The following SLC41A3 variants were observed in gnomAD, a reference collection of about 807,000 sequenced individuals.
SLC41A3 encodes solute carrier family 41 member 3.
In SLC41A3, 44 loss-of-function variants were observed where a neutral mutation model predicts 45.4. The ratio of observed to expected loss-of-function variants is 0.97; its 90% CI spans 0.76 to 1.25. SLC41A3 has a LOEUF of 1.25. Ranked by LOEUF, SLC41A3 falls within the 50% of genes most tolerant of loss-of-function variation. The pLI, the probability that SLC41A3 is intolerant of heterozygous loss-of-function variation, is 0.00. For synonymous variants in SLC41A3, 256 were observed against 252.4 expected (o/e 1.01, Z -0.13); for missense variants, 550 against 600.6 (o/e 0.92, Z 0.88).
intron 4 of SLC41A3, among the ~76,000 whole-genome samples, chr3:126,032,495 G>A (rs1941873738): frequency 6.6e-6 from 1 of 152,250 alleles, no homozygotes; most frequent in South Asian, 2.1e-4. Context: ...GTGCCAGCCA[G>A]ATGCCACATT....
chr3:126,052,865 G>A (rs1393549478), intron 2 of SLC41A3, among the ~76,000 whole-genome samples: 1 of 152,088 alleles, frequency 6.6e-6, no homozygotes, highest in Non-Finnish European at 1.5e-5. Flanking sequence ...CGCAGCTCGA[G>A]TACCCTTCCA....
chr3:126,030,922 A>C (rs991776637), intron 4 of SLC41A3, among the ~76,000 whole-genome samples: 1 of 152,258 alleles, frequency 6.6e-6, no homozygotes, highest in Non-Finnish European at 1.5e-5. Context: ...CAATTTATCT[A>C]TATACCTTCT....
chr3:126,094,888 C>T (rs1945563834), intron 1 of SLC41A3, among the ~76,000 whole-genome samples: 1 of 152,130 alleles, frequency 6.6e-6, no homozygotes, highest in Admixed American at 6.5e-5. Context: ...TCATTCCACA[C>T]AGTTAATTGA....
intron 7 of SLC41A3, 56 bp downstream of exon 7, chr3:126,016,675 A>AG: frequency 6.4e-7 from 1 of 1,560,514 alleles, no homozygotes; most frequent in Non-Finnish European, 8.6e-7. Flanking sequence ...CCCTGGTTCT[A>AG]GGGGCCTTCA....
chr3:126,072,534 A>G (rs923092155), intron 1 of SLC41A3, among the ~76,000 whole-genome samples: 1 of 152,232 alleles, frequency 6.6e-6, no homozygotes, highest in African/African-American at 2.4e-5. Flanking sequence ...AAACATAACT[A>G]TAAGAGAATA....
rs1215871943 is a variant in SLC41A3 at position 126,022,681 on chromosome 3, G to A, written c.745+105C>T. ...ATGTGGGGGACACATTCAAACAACA[G>A]CACATGGGCTGGGTGCAAAAGTACC... On this transcript the variant is annotated intron_variant, in intron 6 of 10. Coordinates refer to ENST00000360370, the MANE Select transcript of SLC41A3 (RefSeq NM_017836.4). 5 of 1,403,014 alleles carry A rather than the reference G, an allele frequency of 3.6e-6. No individual in the cohort carries two copies. In the African/African-American group the frequency reaches 7.2e-5, roughly 20 times the overall value. The allele number at this position is 1,403,014 out of a possible 1,614,324, so 86.9% of individuals were successfully genotyped here. A position where few individuals can be genotyped will look rare whatever the true frequency, so the allele number is the denominator to read the frequency against.
At chr3:126,067,844 G>T in intron 2 of SLC41A3, 103 bp downstream of exon 2, 2 of 1,432,648 alleles carry the variant, frequency 1.4e-6, no homozygotes, top group Non-Finnish European at 1.9e-6. Flanking sequence ...TTTTCAAGAG[G>T]ACTGCCCGAC....
chr3:126,071,664 T>TAAGGC lies in SLC41A3; in HGVS notation c.-27-3419_-27-3418insGCCTT, dbSNP rs1307823154. Among the ~76,000 whole-genome samples the TAAGGC allele has an allele frequency of 2.0e-3, 299 of 152,234 alleles. 2 individuals are homozygous for TAAGGC. In the East Asian group the frequency reaches 0.028, roughly 14 times the overall value. On this transcript the variant is annotated intron_variant, in intron 1 of 10. Transcript: ENST00000360370. ...CTTAGGAAAAATAACTTCAATAATT[T>TAAGGC]AAGACTGAAATCATACAAAATATGT... is the stretch of plus-strand genomic sequence containing the variant.
intron 3 of SLC41A3, among the ~76,000 whole-genome samples, chr3:126,048,731 A>G: frequency 6.6e-6 from 1 of 152,194 alleles, no homozygotes; most frequent in East Asian, 1.9e-4. Context: ...TTGAAGGTAG[A>G]TCAAAGGGGG....
intron 1 of SLC41A3, among the ~76,000 whole-genome samples, chr3:126,097,531 T>A (rs1048157203): frequency 2.7e-4 from 41 of 152,326 alleles, no homozygotes; most frequent in Admixed American, 6.5e-4. Context: ...TTCAATTGGT[T>A]GGGAGACTTA....
chr3:126,065,992 G>A (rs539775403), intron 2 of SLC41A3, among the ~76,000 whole-genome samples: 5 of 152,260 alleles, frequency 3.3e-5, no homozygotes, highest in Admixed American at 1.3e-4. Context: ...GAAGGCCCCC[G>A]ACCCTGCCTC....
At chr3:126,017,146 C>A (rs1940380386) in intron 6 of SLC41A3, among the ~76,000 whole-genome samples, 2 of 152,230 alleles carry the variant, frequency 1.3e-5, no homozygotes, top group African/African-American at 4.8e-5. Flanking sequence ...TCTGCCTCCT[C>A]CCACCCTGAT....
At chr3:126,021,386 G>C (rs1277273308) in intron 6 of SLC41A3, among the ~76,000 whole-genome samples, 3 of 152,198 alleles carry the variant, frequency 2.0e-5, no homozygotes, top group African/African-American at 7.2e-5. Flanking sequence ...CAGCGCTCCA[G>C]AGGAAGGTCA....
intron 9 of SLC41A3, among the ~76,000 whole-genome samples, chr3:126,010,969 A>G (rs1263327929): frequency 1.3e-5 from 2 of 152,234 alleles, no homozygotes; most frequent in African/African-American, 4.8e-5. Flanking sequence ...AGATTCAAAC[A>G]TGATCCAAAG....
intron 4 of SLC41A3, among the ~76,000 whole-genome samples, chr3:126,029,747 G>C (rs1419027447): frequency 1.3e-5 from 2 of 152,148 alleles, no homozygotes; most frequent in African/African-American, 4.8e-5. Flanking sequence ...ACAGCTTTGA[G>C]AAAGGTCAAA....
chr3:126,075,138 G>T (rs189439605), intron 1 of SLC41A3, among the ~76,000 whole-genome samples: 55 of 152,130 alleles, frequency 3.6e-4, no homozygotes, highest in African/African-American at 1.2e-3. Flanking sequence ...TAGAAATGAG[G>T]TCTTGCTATG....
intron 2 of SLC41A3, among the ~76,000 whole-genome samples, chr3:126,061,455 C>T (rs1317661426): frequency 6.6e-6 from 1 of 152,160 alleles, no homozygotes; most frequent in Non-Finnish European, 1.5e-5. Flanking sequence ...CCGCTCCCAC[C>T]ACTTGCTGGA....
chr3:126,056,621 T>A (rs1368913484), intron 2 of SLC41A3: 3 of 1,541,586 alleles, frequency 1.9e-6, no homozygotes, highest in African/African-American at 1.4e-5. Context: ...CCTCTCCTCC[T>A]GGCCCACACC....
chr3:126,078,748 C>T (rs924403558), intron 1 of SLC41A3, among the ~76,000 whole-genome samples: 1 of 152,082 alleles, frequency 6.6e-6, no homozygotes, highest in African/African-American at 2.4e-5. Flanking sequence ...AGGCCTGGGA[C>T]CCTACCAGGG....
Sources: gnomAD v4.1 joint callset for allele counts (sites outside exome capture counted in the v4.1 genomes callset) on GRCh38, gnomAD v4.1.1 for gene constraint, MANE v1.5 for transcripts, NCBI Gene and HGNC (gene_info 2026-07-23, HGNC 2026-07-21) for gene names.